The following RORC variants were observed in gnomAD, a reference collection of about 807,000 sequenced individuals.
RORC encodes RAR related orphan receptor C.
RORC carries 13 observed loss-of-function variants against 64.5 expected under a neutral mutation model. The ratio of observed to expected loss-of-function variants is 0.20; its 90% CI spans 0.13 to 0.32. The LOEUF (loss-of-function observed/expected upper bound fraction) is 0.32. Ranked by LOEUF, RORC falls within the 10% of genes least tolerant of loss-of-function variation. The pLI, the probability that RORC is intolerant of heterozygous loss-of-function variation, is 1.00. For missense variants in RORC, 468 were observed against 669.5 expected, an observed-to-expected ratio of 0.70 and a Z score of 3.32; for synonymous variants, 277 against 259.3, an observed-to-expected ratio of 1.07 and a Z score of -0.65.
intron 10 of RORC, among the ~76,000 whole-genome samples, chr1:151,810,828 C>T (rs1352491205): frequency 3.3e-5 from 5 of 152,294 alleles, no homozygotes; most frequent in South Asian, 2.1e-4. Context: ...CCACTGTGCC[C>T]GGCTGCTACA....
intron 2 of RORC, among the ~76,000 whole-genome samples, chr1:151,824,080 G>A (rs1045324075): frequency 5.9e-5 from 9 of 152,210 alleles, no homozygotes; most frequent in East Asian, 1.9e-4. Context: ...TCCTTTTGTC[G>A]GGCCCTTGGT....
chr1:151,813,811 C>A (rs1651636670), intron 6 of RORC, 191 bp from the exon 7 acceptor site: 8 of 607,788 alleles, frequency 1.3e-5, no homozygotes, highest in Non-Finnish European at 2.3e-5. Context: ...CACTGAGCAC[C>A]TACCGGCTGC....
chr1:151,807,179 T>TA lies in RORC; in HGVS notation c.*292dup. The stretch of plus-strand genomic sequence containing the variant: ...GATGTCTTGGTCCCCCAGAAGTCCT[T>TA]AAATCCCAGCCACCCCATGCCTTCC... On this transcript the variant is annotated 3_prime_UTR_variant, in exon 11 of 11. Coordinates refer to ENST00000318247, the MANE Select transcript of RORC (RefSeq NM_005060.4). This position sits in a 1 kb window ranked among gnomAD's most constrained non-coding sequence, Gnocchi z 5.0. 3.1e-6 allele frequency: 1 copy of TA among 320,954 alleles called. No homozygotes were observed. The highest frequency in any genetic ancestry group is 2.1e-5 in the African/African-American group (1 of 47,676). 19.9% of individuals were successfully genotyped at this position (320,954 alleles called of 1,614,324 possible).
At chr1:151,820,689 C>T (rs965120611) in intron 2 of RORC, among the ~76,000 whole-genome samples, 2 of 152,206 alleles carry the variant, frequency 1.3e-5, no homozygotes, top group African/African-American at 4.8e-5. Flanking sequence ...TGCCCAAATG[C>T]ACCCGCCAGC....
intron 2 of RORC, among the ~76,000 whole-genome samples, chr1:151,824,155 C>G (rs993183785): frequency 5.3e-5 from 8 of 152,112 alleles, no homozygotes; most frequent in Non-Finnish European, 8.8e-5. Flanking sequence ...GTTGGAGGGG[C>G]TGGTGGTGGT....
intron 4 of RORC, among the ~76,000 whole-genome samples, chr1:151,816,291 T>C (rs867183677): frequency 6.6e-6 from 1 of 152,028 alleles, no homozygotes; most frequent in African/African-American, 2.4e-5. Context: ...GAATGGGGGA[T>C]TAGAAAAGGA....
chr1:151,829,410 C>G lies in RORC; in HGVS notation c.70+19G>C, dbSNP rs56945122. On this transcript the variant is annotated intron_variant, in intron 2 of 10. Coordinates refer to ENST00000318247, the MANE Select transcript of RORC (RefSeq NM_005060.4). Reference sequence around the variant, plus strand: ...TCATTATGCCCCAGCCATTTTCTTGCCCCGGACCCCCTACTCACAGGTGTG... The same window carrying G: ...TCATTATGCCCCAGCCATTTTCTTGGCCCGGACCCCCTACTCACAGGTGTG... 4.1e-5 allele frequency: 63 copies of G among 1,537,674 alleles called. No individual in the cohort carries two copies. The East Asian group carries it at 1.6e-3, about 39-fold the overall frequency.
At chr1:151,816,543 G>T in intron 4 of RORC, 121 bp downstream of exon 4, 2 of 1,035,434 alleles carry the variant, frequency 1.9e-6, no homozygotes, top group Non-Finnish European at 2.7e-6. Context: ...TAACGGGGAG[G>T]AATGGAGAGG....
intron 4 of RORC, 48 bp downstream of exon 4, chr1:151,816,616 C>A (rs993873318): frequency 6.4e-7 from 1 of 1,557,282 alleles, no homozygotes; most frequent in Non-Finnish European, 8.7e-7. Context: ...CAGGCTGCCC[C>A]TCTGGAGACA....
chr1:151,824,095 G>C (rs576889345), intron 2 of RORC, among the ~76,000 whole-genome samples: 1 of 152,314 alleles, frequency 6.6e-6, no homozygotes, highest in East Asian at 1.9e-4. Flanking sequence ...CTTGGTCTCT[G>C]GGTGTGTCAC....
intron 2 of RORC, 31 bp from the exon 3 acceptor site, chr1:151,817,311 C>G (rs1462877136): frequency 6.4e-7 from 1 of 1,550,672 alleles, no homozygotes; most frequent in East Asian, 2.2e-5. Flanking sequence ...TAGGTCAGCC[C>G]AGGAGGCTTT....
At chr1:151,813,122 CTTA>C in intron 8 of RORC, 65 bp from the exon 9 acceptor site, 5 of 1,461,526 alleles carry the variant, frequency 3.4e-6, no homozygotes, top group Non-Finnish European at 4.8e-6. Context: ...GGACACCGCC[CTTA>C]TTGTGTTTAG....
In RORC at chr1:151,813,326, C is replaced by G; in HGVS notation, c.1087G>C (p.Val363Leu). The G allele has an allele frequency of 6.2e-7, 1 of 1,614,138 alleles. No individual in the cohort carries two copies. Among genetic ancestry groups the G allele is most frequent in the Non-Finnish European group, 8.5e-7 (1 of 1,179,992 alleles). Residue 363 changes from valine to leucine, a missense_variant, in exon 8 of 11, where the codon GTT becomes CTT. This residue lies in a region of RORC where 100 missense variants were observed against 190.8 expected (regional missense o/e 0.52). Transcript: ENST00000318247. ...LKAGAMEVVLVRMCRAYNADN... is the reference protein window; with the variant it reads ...LKAGAMEVVLLRMCRAYNADN... ...GCATTGTAGGCCCGGCACATCCTAA[C>G]CAGCACCACTTCCATTGCTCCTGGG...
In RORC at chr1:151,813,041, G is replaced by T. The variant is rs539370245; in HGVS notation, c.1191C>A (p.Ile397=). 2.5e-6 allele frequency: 4 copies of T among 1,613,404 alleles called. No individual in the cohort carries two copies. In the South Asian group the frequency reaches 3.3e-5, roughly 13 times the overall value. ...AGTGGGAGAAGTCAAAGATGGAGCT[G>T]ATGAGCTCGCTGCAGCCTGATGGAG... is the stretch of plus-strand genomic sequence containing the variant. ...LFRALGCSEL[I]SSIFDFSHSL... is the part of the protein sequence containing the mutation. The change falls in exon 9 of 11, where the codon ATC becomes ATA. Residue 397 remains isoleucine, a synonymous_variant. Coordinates refer to ENST00000318247, the MANE Select transcript of RORC (RefSeq NM_005060.4).
chr1:151,813,459 C>A, intron 7 of RORC, 29 bp downstream of exon 7: 1 of 1,613,794 alleles, frequency 6.2e-7, no homozygotes, highest in Non-Finnish European at 8.5e-7. Flanking sequence ...TCCCCTTGTC[C>A]CCAGGCCTGC....
chr1:151,820,557 G>T lies in RORC; in HGVS notation c.71-3277C>A, dbSNP rs187443627. On this transcript the variant is annotated intron_variant, in intron 2 of 10. Coordinates refer to ENST00000318247, the MANE Select transcript of RORC (RefSeq NM_005060.4). ...CCATGGCAGCCCTAACTCTACCCTC[G>T]CCTGCTGTCTTGGAAAGATCTTTGC... Among the ~76,000 whole-genome samples the T allele has an allele frequency of 3.3e-5, 5 of 152,168 alleles. No homozygotes were observed. In the East Asian group the frequency reaches 9.6e-4, roughly 29 times the overall value.
intron 10 of RORC, among the ~76,000 whole-genome samples, chr1:151,809,674 C>G (rs1651445336): frequency 6.6e-6 from 1 of 152,136 alleles, no homozygotes. Flanking sequence ...ATTGCTCTCC[C>G]AGATTCCTGT....
At position 151,816,537 on chromosome 1, in the gene RORC, G is replaced by A. The variant is rs1001813850; in HGVS notation, c.298+127C>T. On this transcript the variant is annotated intron_variant, in intron 4 of 10. Coordinates refer to ENST00000318247, the MANE Select transcript of RORC (RefSeq NM_005060.4). ...AGGGGAGGAGACAAGGGGTTGTAAC[G>A]GGGAGGAATGGAGAGGAGACCAGAG... The A allele has an allele frequency of 3.0e-6, 3 of 991,244 alleles. 1 individual carries two copies. The highest frequency in any genetic ancestry group is 4.3e-6 in the Non-Finnish European group (3 of 704,024). 61.4% of individuals were successfully genotyped at this position (991,244 alleles called of 1,614,324 possible). A position where few individuals can be genotyped will look rare whatever the true frequency, so the allele number is the denominator to read the frequency against.
chr1:151,815,256 C>T lies in RORC; in HGVS notation c.468G>A (p.Gly156=). ...TLTYTLGLPD[G]QLPLGSSPDL... ...CAGGCGAGGAGCCCAGGGGCAGCTGCCCGTCTGGGAGCCCCAAGGTGTAGG... is the reference window on the plus strand; with the variant it reads ...CAGGCGAGGAGCCCAGGGGCAGCTGTCCGTCTGGGAGCCCCAAGGTGTAGG... Residue 156 remains glycine (G), a synonymous_variant, in exon 5 of 11, where the codon GGG becomes GGA. Coordinates refer to ENST00000318247, the MANE Select transcript of RORC (RefSeq NM_005060.4). 1 of 1,609,870 alleles carries T rather than the reference C, an allele frequency of 6.2e-7. No homozygotes were observed. Among genetic ancestry groups the T allele is most frequent in the African/African-American group, 1.3e-5 (1 of 74,910 alleles).
Sources: allele counts gnomAD v4.1 joint callset (sites outside exome capture counted in the v4.1 genomes callset), GRCh38; gene constraint gnomAD v4.1.1; regional missense constraint gnomAD v4.1.1; non-coding constraint Gnocchi (gnomAD v3.1); transcripts MANE v1.5; gene names NCBI Gene and HGNC (gene_info 2026-07-23, HGNC 2026-07-21).